BICDL1: variants seen among roughly 807,000 people sequenced by gnomAD.
BICDL1 encodes BICD family-like cargo adapter 1.
A neutral mutation model predicts 76.8 loss-of-function variants in BICDL1; 20 were observed. The observed-to-expected ratio is 0.26, with a 90% confidence interval of 0.18 to 0.38. BICDL1 has a LOEUF of 0.38. BICDL1 is among the 10% of genes least tolerant of loss of function. BICDL1 has a pLI of 1.00. For missense variants in BICDL1, 700 were observed against 798.6 expected, an observed-to-expected ratio of 0.88 and a Z score of 1.49; for synonymous variants, 383 against 337.1, an observed-to-expected ratio of 1.14 and a Z score of -1.49.
rs1446582368 is a variant in BICDL1, at chr12:120,093,143, A to G, written c.1848A>G (p.Ser616=). The G allele has an allele frequency of 6.2e-7, 1 of 1,607,736 alleles. No individual in the cohort carries two copies. The part of the protein sequence containing the change: ...PSIAEGKRLF[S]FFRKI Reference sequence around the variant, plus strand: ...TCGCTGAAGGCAAACGACTCTTCTCATTCTTCAGGAAAATTTAAGTTGGGA... The same window carrying G: ...TCGCTGAAGGCAAACGACTCTTCTCGTTCTTCAGGAAAATTTAAGTTGGGA... The change falls in exon 10 of 10, where the codon TCA becomes TCG. Residue 616 remains serine (S), a synonymous_variant. Coordinates refer to ENST00000548673, the MANE Select transcript of BICDL1 (RefSeq NM_001367886.1).
At chr12:120,060,953 C>G (rs1454844097) in intron 2 of BICDL1, among the ~76,000 whole-genome samples, 1 of 152,160 alleles carries the variant, frequency 6.6e-6, no homozygotes, top group East Asian at 1.9e-4. Flanking sequence ...GAGGCAGTTA[C>G]TTAATTTGTC....
chr12:120,025,342 G>A (rs951008903), intron 2 of BICDL1, among the ~76,000 whole-genome samples: 15 of 152,244 alleles, frequency 9.9e-5, no homozygotes, highest in Middle Eastern at 3.4e-3. Context: ...GAACCACCGC[G>A]CCCGGCCGAT....
chr12:120,080,778 C>G, intron 7 of BICDL1, 109 bp from the exon 8 acceptor site: 3 of 1,243,924 alleles, frequency 2.4e-6, no homozygotes, highest in Non-Finnish European at 3.3e-6. Flanking sequence ...AGCTTGCACC[C>G]CCACACATGT....
chr12:120,001,735 A>G (rs945745582), intron 2 of BICDL1, among the ~76,000 whole-genome samples: 2 of 152,158 alleles, frequency 1.3e-5, no homozygotes, highest in African/African-American at 2.4e-5. Flanking sequence ...TTCACATACC[A>G]TAACATTTAC....
At chr12:120,003,577 C>G (rs1261632276) in intron 2 of BICDL1, among the ~76,000 whole-genome samples, 2 of 152,178 alleles carry the variant, frequency 1.3e-5, no homozygotes, top group African/African-American at 4.8e-5. Context: ...AGTGCTTTGA[C>G]AGGCAACCTA....
At chr12:120,016,022 A>G (rs185851664) in intron 2 of BICDL1, among the ~76,000 whole-genome samples, 4 of 152,278 alleles carry the variant, frequency 2.6e-5, no homozygotes, top group East Asian at 1.9e-4. Flanking sequence ...TGCTACCCCA[A>G]AAAGTTCCCC....
In BICDL1 at chr12:120,071,185, C is replaced by G. The variant is rs547243077; in HGVS notation, c.910-437C>G. On this transcript the variant is annotated intron_variant, in intron 4 of 9. Transcript: ENST00000548673. This position sits in a 1 kb window ranked among gnomAD's most constrained non-coding sequence, Gnocchi z 4.8. ...TGAGGTGGCGTCTCGCACTGTCACC[C>G]AGGTTGGAGTGCAATGGCGTGATCT... Among the ~76,000 whole-genome samples the G allele has an allele frequency of 3.9e-5, 6 of 151,926 alleles. No homozygotes were observed. Among genetic ancestry groups the G allele is most frequent in the Admixed American group, 3.9e-4 (6 of 15,252 alleles).
chr12:120,008,161 T>C (rs1446318711), intron 2 of BICDL1, among the ~76,000 whole-genome samples: 1 of 137,792 alleles, frequency 7.3e-6, no homozygotes, highest in Non-Finnish European at 1.6e-5. Context: ...TTTTTTTTTT[T>C]TTTTTTTTTT....
intron 2 of BICDL1, among the ~76,000 whole-genome samples, chr12:120,056,319 AT>A (rs1195864023): frequency 1.3e-5 from 2 of 152,194 alleles, no homozygotes; most frequent in East Asian, 1.9e-4. Context: ...ATGATTTCAA[AT>A]GTTTTTTGCC....
intron 3 of BICDL1, among the ~76,000 whole-genome samples, chr12:120,062,216 C>T (rs1332013323): frequency 6.6e-6 from 1 of 152,162 alleles, no homozygotes; most frequent in Non-Finnish European, 1.5e-5. Flanking sequence ...GTTTCTACTT[C>T]ACAGGTTTTT....
intron 1 of BICDL1, among the ~76,000 whole-genome samples, chr12:119,998,004 C>T (rs1390878515): frequency 6.6e-6 from 1 of 152,104 alleles, no homozygotes; most frequent in Admixed American, 6.5e-5. Context: ...ATTCCAGCTG[C>T]TTGAGAAGCT....
chr12:120,081,695 T>C (rs1449399002), intron 8 of BICDL1, among the ~76,000 whole-genome samples: 4 of 151,882 alleles, frequency 2.6e-5, no homozygotes, highest in African/African-American at 9.7e-5. Flanking sequence ...TTTTTTTTAG[T>C]TTTTTTGTTG....
intron 2 of BICDL1, among the ~76,000 whole-genome samples, chr12:120,024,461 A>G (rs531646860): frequency 6.6e-6 from 1 of 152,288 alleles, no homozygotes; most frequent in Non-Finnish European, 1.5e-5. Flanking sequence ...ACAGAAAAGT[A>G]AAAAAACATC....
chr12:120,086,287 A>T (rs927927403), intron 8 of BICDL1, among the ~76,000 whole-genome samples: 5 of 152,342 alleles, frequency 3.3e-5, no homozygotes, highest in African/African-American at 1.2e-4. Flanking sequence ...AATTTTTGTT[A>T]TACAAGAATT....
chr12:120,032,056 C>T (rs569692553), intron 2 of BICDL1, among the ~76,000 whole-genome samples: 19 of 152,346 alleles, frequency 1.2e-4, no homozygotes, highest in African/African-American at 4.6e-4. Flanking sequence ...CACACTACTG[C>T]ACTCCAGCCT....
rs1376928777 is a variant in BICDL1, at chr12:119,989,792, G to A, written c.-77G>A. 4 of 632,856 alleles carry A rather than the reference G, an allele frequency of 6.3e-6. No individual in the cohort carries two copies. Among genetic ancestry groups the A allele is most frequent in the Non-Finnish European group, 7.9e-6 (4 of 509,416 alleles). 39.2% of individuals were successfully genotyped at this position (632,856 alleles called of 1,614,324 possible). ...GGCGAGGCGCGGGACGCGGGGCGGCGCGGCAGGGCCCCTCCCCCCTGCAGC... is the reference window on the plus strand; with the variant it reads ...GGCGAGGCGCGGGACGCGGGGCGGCACGGCAGGGCCCCTCCCCCCTGCAGC... On this transcript the variant is annotated 5_prime_UTR_variant, in exon 1 of 10. Coordinates refer to ENST00000548673, the MANE Select transcript of BICDL1 (RefSeq NM_001367886.1).
rs1874822298 is a variant in BICDL1, at chr12:120,089,957, T to A, written c.1590T>A (p.Asn530Lys). 6.2e-7 allele frequency: 1 copy of A among 1,613,920 alleles called. No homozygotes were observed. The highest frequency in any genetic ancestry group is 1.1e-5 in the South Asian group (1 of 91,080). Residue 530 changes from asparagine (N) to lysine (K), a missense_variant, in exon 9 of 10, where the codon AAT becomes AAA. Physicochemically the swap from Asn to Lys is moderately conservative, Grantham distance 94. This residue lies in a region of BICDL1 where 455 missense variants were observed against 548.7 expected (regional missense o/e 0.83). Transcript: ENST00000548673. The part of the protein sequence containing the change: ...RDRDEAIAKK[N>K]AVELELAKCR... The stretch of plus-strand genomic sequence containing the variant: ...CTGGCTTGTCTGTTCTCAGGAAGAA[T>A]GCTGTGGAGCTGGAACTTGCCAAGT...
intron 3 of BICDL1, 41 bp from the exon 4 acceptor site, chr12:120,064,692 G>C (rs760714823): frequency 1.3e-6 from 2 of 1,566,876 alleles, no homozygotes; most frequent in Non-Finnish European, 1.7e-6. Context: ...GTCAGCCCGG[G>C]TGTAACTCCA....
chr12:119,999,532 G>GT (rs1951720038), intron 2 of BICDL1, among the ~76,000 whole-genome samples: 1 of 152,200 alleles, frequency 6.6e-6, no homozygotes, highest in African/African-American at 2.4e-5. Context: ...AAAGAAATGT[G>GT]TATCTGTATT....
Sources: gnomAD v4.1 joint callset for allele counts (sites outside exome capture counted in the v4.1 genomes callset) on GRCh38, gnomAD v4.1.1 for gene constraint, gnomAD v4.1.1 regional missense constraint, Gnocchi (gnomAD v3.1) non-coding constraint, MANE v1.5 for transcripts, NCBI Gene and HGNC (gene_info 2026-07-23, HGNC 2026-07-21) for gene names.